Variants in JAZF1 observed in about 807,000 individuals in gnomAD.
The protein encoded by JAZF1 is JAZF zinc finger 1.
In JAZF1, 8 loss-of-function variants were observed where a neutral mutation model predicts 26.4. That is an observed-to-expected ratio of 0.30 (90% CI 0.18 to 0.55). The LOEUF (loss-of-function observed/expected upper bound fraction) is 0.55. JAZF1 is among the 20% of genes least tolerant of loss of function. JAZF1 has a pLI of 0.94. For synonymous variants in JAZF1, 126 were observed against 122.3 expected, an observed-to-expected ratio of 1.03 and a Z score of -0.20; for missense variants, 199 against 322.0, an observed-to-expected ratio of 0.62 and a Z score of 2.92.
At chr7:28,022,120 T>C (rs553052044) in intron 1 of JAZF1, among the ~76,000 whole-genome samples, 3 of 152,336 alleles carry the variant, frequency 2.0e-5, no homozygotes, top group Non-Finnish European at 1.5e-5. Flanking sequence ...CTGTTTTCTA[T>C]GAAACCCAGT....
chr7:28,170,720 C>T lies in JAZF1; in HGVS notation c.115+9743G>A, dbSNP rs373260377. Among the ~76,000 whole-genome samples, 5 of 152,142 alleles carry T rather than the reference C, an allele frequency of 3.3e-5. No individual in the cohort carries two copies. In the East Asian group the frequency reaches 9.6e-4, roughly 29 times the overall value. On this transcript the variant is annotated intron_variant, in intron 1 of 4. Coordinates refer to ENST00000283928, the MANE Select transcript of JAZF1 (RefSeq NM_175061.4). The stretch of plus-strand genomic sequence containing the variant: ...CATCGACACTGCTCTTGGTGGAAAT[C>T]CAGCCTTTCTGTATTTATTTCTCCA...
intron 1 of JAZF1, among the ~76,000 whole-genome samples, chr7:28,040,572 G>A (rs964058093): frequency 1.4e-4 from 21 of 152,140 alleles, no homozygotes; most frequent in Non-Finnish European, 2.8e-4. Flanking sequence ...GGGGAGGTGG[G>A]AATGAGCCAG....
At chr7:28,068,068 C>CACGCCCAGCTAATTTTTT (rs1484811166) in intron 1 of JAZF1, among the ~76,000 whole-genome samples, 2 of 152,146 alleles carry the variant, frequency 1.3e-5, no homozygotes, top group Non-Finnish European at 2.9e-5. Flanking sequence ...TGCACACCAA[C>CACGCCCAGCTAATTTTTT]ACGCCCAGCT....
intron 2 of JAZF1, among the ~76,000 whole-genome samples, chr7:27,923,214 A>T (rs1784560693): frequency 6.6e-6 from 1 of 152,154 alleles, no homozygotes; most frequent in Non-Finnish European, 1.5e-5. Context: ...AGTCTTCTCT[A>T]CTCAGTGGTA....
intron 1 of JAZF1, among the ~76,000 whole-genome samples, chr7:27,995,331 T>C (rs1785993256): frequency 6.6e-6 from 1 of 152,214 alleles, no homozygotes; most frequent in Non-Finnish European, 1.5e-5. Context: ...AGCTTGCAAT[T>C]TGGCAAGAGA....
At chr7:28,169,892 GGT>G (rs1026870469) in intron 1 of JAZF1, among the ~76,000 whole-genome samples, 21 of 152,170 alleles carry the variant, frequency 1.4e-4, no homozygotes, top group Admixed American at 1.1e-3. Context: ...AAATGAATTA[GGT>G]AAGAAAACGA....
At position 28,023,304 on chromosome 7, in the gene JAZF1, CCCT is replaced by C. The variant is rs1267596651; in HGVS notation, c.116-31326_116-31324del. Among the ~76,000 whole-genome samples, 15 of 152,312 alleles carry C rather than the reference CCCT, an allele frequency of 9.8e-5. No homozygotes were observed. In the East Asian group the frequency reaches 2.5e-3, roughly 25 times the overall value. ...AAGGACAGATTCACTGAAGTAATTT[CCCT>C]TGCTAAGCCTTTGCTCTTATGGACA... On this transcript the variant is annotated intron_variant, in intron 1 of 4. Transcript: ENST00000283928.
Position 28,149,771 on chromosome 7 carries a change from G to A in JAZF1, c.115+30692C>T, listed in dbSNP as rs1012537314. 4.6e-5 allele frequency among the ~76,000 whole-genome samples: 7 copies of A among 152,254 alleles called. No individual in the cohort carries two copies. In the East Asian group the frequency reaches 1.3e-3, roughly 29 times the overall value. On this transcript the variant is annotated intron_variant, in intron 1 of 4. Transcript: ENST00000283928. ...TGCTGAAACATGGGATATAGCAATG[G>A]GCTAAATAATTACTGATTAATTCAC...
intron 2 of JAZF1, among the ~76,000 whole-genome samples, chr7:27,970,452 A>ACAAAG (rs1026590090): frequency 1.3e-5 from 2 of 152,144 alleles, no homozygotes; most frequent in African/African-American, 4.8e-5. Flanking sequence ...ACAAAACAAA[A>ACAAAG]CAAAACAAAA....
intron 1 of JAZF1, among the ~76,000 whole-genome samples, chr7:27,998,691 G>T (rs1263620295): frequency 6.6e-6 from 1 of 152,170 alleles, no homozygotes; most frequent in Non-Finnish European, 1.5e-5. Context: ...CTAAAAGTCA[G>T]GGACACTGTG....
intron 2 of JAZF1, among the ~76,000 whole-genome samples, chr7:27,901,886 C>T (rs1031323349): frequency 6.6e-6 from 1 of 152,176 alleles, no homozygotes; most frequent in African/African-American, 2.4e-5. Flanking sequence ...CCAGCAATAG[C>T]ACTGTGCAGT....
chr7:28,048,253 C>A (rs1452965344), intron 1 of JAZF1, among the ~76,000 whole-genome samples: 1 of 152,152 alleles, frequency 6.6e-6, no homozygotes, highest in Non-Finnish European at 1.5e-5. Context: ...CTCCCTCTTA[C>A]CCTCAAGTAA....
chr7:27,943,700 C>T (rs942923215), intron 2 of JAZF1, among the ~76,000 whole-genome samples: 3 of 152,188 alleles, frequency 2.0e-5, no homozygotes, highest in African/African-American at 7.2e-5. Flanking sequence ...TGAGCATTCG[C>T]TGCTTTCCCA....
At chr7:28,025,492 CAG>C (rs68057042) in intron 1 of JAZF1, among the ~76,000 whole-genome samples, 127,693 of 151,830 alleles carry the variant, frequency 0.84, 54,341 homozygotes, top group Non-Finnish European at 0.89. Flanking sequence ...AGAGCATAAG[CAG>C]TCTTCAAACC....
chr7:28,108,999 G>A (rs1015444107), intron 1 of JAZF1, among the ~76,000 whole-genome samples: 15 of 152,282 alleles, frequency 9.9e-5, no homozygotes, highest in Middle Eastern at 3.4e-3. Flanking sequence ...TAAGAAAGTC[G>A]AACTCATAGA....
intron 2 of JAZF1, among the ~76,000 whole-genome samples, chr7:27,920,027 G>A (rs1285958892): frequency 2.0e-5 from 3 of 152,154 alleles, no homozygotes; most frequent in Non-Finnish European, 4.4e-5. Context: ...TGCCTTAAGG[G>A]AAGTGCCTTT....
chr7:28,093,835 C>T (rs1404913028), intron 1 of JAZF1, among the ~76,000 whole-genome samples: 2 of 152,198 alleles, frequency 1.3e-5, no homozygotes, highest in Non-Finnish European at 2.9e-5. Context: ...TGTGGCAATG[C>T]CTGCAAACAA....
chr7:28,162,218 G>A (rs1002502293), intron 1 of JAZF1, among the ~76,000 whole-genome samples: 1 of 152,204 alleles, frequency 6.6e-6, no homozygotes, highest in African/African-American at 2.4e-5. Context: ...AGGCCATGCT[G>A]AGGATACATG....
At chr7:27,962,044 ATAGAT>A (rs1235071677) in intron 2 of JAZF1, among the ~76,000 whole-genome samples, 3 of 152,216 alleles carry the variant, frequency 2.0e-5, no homozygotes, top group African/African-American at 7.2e-5. Flanking sequence ...AGCCATAATA[ATAGAT>A]TATTTAAATA....
Sources: allele counts gnomAD v4.1 joint callset (sites outside exome capture counted in the v4.1 genomes callset), GRCh38; gene constraint gnomAD v4.1.1; transcripts MANE v1.5; gene names NCBI Gene and HGNC (gene_info 2026-07-23, HGNC 2026-07-21).